The following CCDC192 variants were observed in gnomAD, a reference collection of about 807,000 sequenced individuals.
CCDC192 encodes the protein coiled-coil domain-containing protein 192.
At chr5:127,929,207 A>G (rs1753950948) in intron 6 of CCDC192, among the ~76,000 whole-genome samples, 1 of 152,232 alleles carries the variant, frequency 6.6e-6, no homozygotes, top group African/African-American at 2.4e-5. Flanking sequence ...ATGAACGACA[A>G]AAATAAGTTC....
intron 3 of CCDC192, among the ~76,000 whole-genome samples, chr5:127,771,968 G>A (rs1755581920): frequency 6.6e-6 from 1 of 152,148 alleles, no homozygotes; most frequent in South Asian, 2.1e-4. Context: ...GAAGAGGAGA[G>A]GCAAGCTCCT....
chr5:127,925,053 A>C (rs987263693), intron 6 of CCDC192, among the ~76,000 whole-genome samples: 1 of 141,276 alleles, frequency 7.1e-6, no homozygotes, highest in South Asian at 2.2e-4. Context: ...TATATGCAAC[A>C]ACAGAAGCAT....
chr5:127,715,299 A>G (rs1751566331), intron 2 of CCDC192, among the ~76,000 whole-genome samples: 1 of 152,186 alleles, frequency 6.6e-6, no homozygotes, highest in South Asian at 2.1e-4. Flanking sequence ...TGATTCCTGT[A>G]AGTTGGAAGA....
At chr5:127,768,713 C>T (rs1253262740) in intron 3 of CCDC192, among the ~76,000 whole-genome samples, 1 of 152,142 alleles carries the variant, frequency 6.6e-6, no homozygotes, top group Non-Finnish European at 1.5e-5. Flanking sequence ...AAAGCCAAAA[C>T]GTATTAATAA....
intron 3 of CCDC192, among the ~76,000 whole-genome samples, chr5:127,779,247 A>G (rs906444823): frequency 1.3e-5 from 2 of 152,152 alleles, no homozygotes; most frequent in African/African-American, 4.8e-5. Context: ...ATATATATAG[A>G]TACATTTTAT....
intron 6 of CCDC192, among the ~76,000 whole-genome samples, chr5:127,885,733 T>C (rs1310742076): frequency 6.6e-6 from 1 of 152,144 alleles, no homozygotes; most frequent in African/African-American, 2.4e-5. Flanking sequence ...GAGACTTCTG[T>C]ATGAAGGCAC....
chr5:127,940,092 A>G (rs1326211486), intron 6 of CCDC192, among the ~76,000 whole-genome samples: 2 of 152,182 alleles, frequency 1.3e-5, no homozygotes, highest in Non-Finnish European at 2.9e-5. Flanking sequence ...TTGATGGGCT[A>G]GAGAGGTGTG....
chr5:127,859,677 C>T (rs1457587030), intron 5 of CCDC192, among the ~76,000 whole-genome samples: 1 of 152,088 alleles, frequency 6.6e-6, no homozygotes, highest in Non-Finnish European at 1.5e-5. Context: ...TCTTCTTTTT[C>T]TCTGGAAAGC....
chr5:127,738,719 A>G (rs1400186855), intron 2 of CCDC192, among the ~76,000 whole-genome samples: 17 of 152,116 alleles, frequency 1.1e-4, no homozygotes, highest in South Asian at 6.2e-4. Context: ...TCAGTTGATC[A>G]CATCAGCTCC....
chr5:127,783,152 T>G (rs1245409918), intron 3 of CCDC192, among the ~76,000 whole-genome samples: 1 of 152,122 alleles, frequency 6.6e-6, no homozygotes, highest in Admixed American at 6.5e-5. Flanking sequence ...CGTGCCACCA[T>G]GACCTGCTAA....
intron 2 of CCDC192, among the ~76,000 whole-genome samples, chr5:127,736,562 A>C (rs1162014876): frequency 6.6e-6 from 1 of 151,150 alleles, no homozygotes; most frequent in Non-Finnish European, 1.5e-5. Flanking sequence ...CTGGTCCTGG[A>C]CTCTTTTTGG....
intron 5 of CCDC192, among the ~76,000 whole-genome samples, chr5:127,842,353 G>A (rs1750328863): frequency 1.3e-5 from 2 of 152,156 alleles, no homozygotes; most frequent in African/African-American, 4.8e-5. Flanking sequence ...AAGTAGCTGG[G>A]ATGACAGGTG....
chr5:127,884,095 C>T (rs972698057), intron 6 of CCDC192, among the ~76,000 whole-genome samples: 13 of 151,910 alleles, frequency 8.6e-5, no homozygotes, highest in African/African-American at 2.9e-4. Context: ...ATTTCTGTTA[C>T]TGAAAGAAGA....
At chr5:127,795,669 C>T (rs1757128504) in intron 3 of CCDC192, among the ~76,000 whole-genome samples, 1 of 152,056 alleles carries the variant, frequency 6.6e-6, no homozygotes, top group South Asian at 2.1e-4. Context: ...CAACCTCCGC[C>T]TCCTGGGTTC....
intron 5 of CCDC192, among the ~76,000 whole-genome samples, chr5:127,809,994 A>G (rs1242160838): frequency 6.6e-6 from 1 of 152,234 alleles, no homozygotes; most frequent in East Asian, 1.9e-4. Context: ...TGGATTTTAC[A>G]TTCAGGCTGC....
intron 2 of CCDC192, among the ~76,000 whole-genome samples, chr5:127,732,027 CAT>C (rs1752666842): frequency 6.6e-6 from 1 of 151,990 alleles, no homozygotes; most frequent in Non-Finnish European, 1.5e-5. Flanking sequence ...AGAGCTTCTG[CAT>C]ACCAAAAGAA....
At chr5:127,719,542 T>C (rs867869028) in intron 2 of CCDC192, among the ~76,000 whole-genome samples, 584 of 35,026 alleles carry the variant, frequency 0.017, 14 homozygotes, top group East Asian at 0.14. Context: ...TACATATATA[T>C]ATATATATAT....
At position 127,820,046 on chromosome 5, in the gene CCDC192, T is replaced by G. The variant is rs73347010; in HGVS notation, c.411+21884T>G. 3.9e-3 allele frequency among the ~76,000 whole-genome samples: 595 copies of G among 152,334 alleles called. 4 individuals are homozygous for G. Among genetic ancestry groups the G allele is most frequent in the African/African-American group, 0.013 (548 of 41,582 alleles). On this transcript the variant is annotated intron_variant, in intron 5 of 6. Transcript: ENST00000514853. ...ACCTTAGCATTTCATCTTCATACTC[T>G]TACTGATTGTGTTATTTTAAATGTT... is the stretch of plus-strand genomic sequence containing the variant.
At chr5:127,915,223 G>C (rs1478065789) in intron 6 of CCDC192, among the ~76,000 whole-genome samples, 2 of 152,098 alleles carry the variant, frequency 1.3e-5, no homozygotes, top group Admixed American at 6.5e-5. Flanking sequence ...AAAAAACAAT[G>C]CACATACCTT....
Sources: gnomAD v4.1 joint callset for allele counts (sites outside exome capture counted in the v4.1 genomes callset) on GRCh38, gnomAD v4.1.1 for gene constraint, MANE v1.5 for transcripts, NCBI Gene and HGNC (gene_info 2026-07-23, HGNC 2026-07-21) for gene names.